The following CACNA1C variants were observed in gnomAD, a reference collection of about 807,000 sequenced individuals.
CACNA1C encodes the protein voltage-dependent L-type calcium channel subunit alpha-1C.
CACNA1C carries 30 observed loss-of-function variants against 229.0 expected under a neutral mutation model. The observed-to-expected ratio is 0.13, with a 90% CI of 0.10 to 0.18. CACNA1C has a LOEUF of 0.18. Ranked by LOEUF, CACNA1C falls within the 10% of genes least tolerant of loss-of-function variation. The probability of loss-of-function intolerance (pLI) is 1.00; values close to 1 mark genes in which losing one functional copy is unlikely to be tolerated. For missense variants in CACNA1C, 1,658 were observed against 2,845.0 expected, an observed-to-expected ratio of 0.58 and a Z score of 9.49; for synonymous variants, 1,114 against 1,132.5, an observed-to-expected ratio of 0.98 and a Z score of 0.33.
At chr12:2,334,859 T>G (rs899111420) in intron 3 of CACNA1C, among the ~76,000 whole-genome samples, 3 of 152,174 alleles carry the variant, frequency 2.0e-5, no homozygotes, top group Admixed American at 6.5e-5. Context: ...TAGATAGAAA[T>G]GTCATGGTTT....
chr12:2,364,247 G>A (rs1373210924), intron 3 of CACNA1C, among the ~76,000 whole-genome samples: 1 of 152,194 alleles, frequency 6.6e-6, no homozygotes, highest in Admixed American at 6.5e-5. Context: ...TAAGGACAAA[G>A]GAAATAAATT....
At chr12:2,074,112 AC>A (rs2062315110) in intron 1 of CACNA1C, among the ~76,000 whole-genome samples, 1 of 151,334 alleles carries the variant, frequency 6.6e-6, no homozygotes, top group African/African-American at 2.4e-5. Context: ...TCAAACAAAT[AC>A]CCAATTCAGT....
intron 9 of CACNA1C, among the ~76,000 whole-genome samples, chr12:2,548,672 G>A (rs942608562): frequency 6.6e-6 from 1 of 152,158 alleles, no homozygotes; most frequent in African/African-American, 2.4e-5. Flanking sequence ...CTTTCTGTTT[G>A]TATCTTCCAT....
At position 2,677,902 on chromosome 12, in the gene CACNA1C, A is replaced by G. The variant is rs746501346; in HGVS notation, c.5091+35A>G. The G allele has an allele frequency of 3.7e-6, 6 of 1,610,628 alleles. No individual in the cohort carries two copies. In the Admixed American group the frequency reaches 5.0e-5, roughly 13 times the overall value. ...GCCATGGCGCACTCTCGACCCCTAT[A>G]AAGTTCAGTTTGGAGCAAGAGGTTG... On this transcript the variant is annotated intron_variant, in intron 41 of 46. Coordinates refer to ENST00000399655, the MANE Select transcript of CACNA1C (RefSeq NM_000719.7). This position sits in a 1 kb window ranked among gnomAD's most constrained non-coding sequence, Gnocchi z 7.4.
intron 3 of CACNA1C, among the ~76,000 whole-genome samples, chr12:2,308,840 G>A (rs2095254365): frequency 5.9e-5 from 9 of 152,198 alleles, no homozygotes; most frequent in Admixed American, 5.9e-4. Flanking sequence ...GCAATGACAA[G>A]TATTGATGAG....
chr12:1,976,158 CAA>C (rs1378526197), intron 1 of CACNA1C, among the ~76,000 whole-genome samples: 2 of 152,160 alleles, frequency 1.3e-5, no homozygotes, highest in Non-Finnish European at 2.9e-5. Context: ...TGACAGAGAA[CAA>C]AAAAGTCATT....
intron 3 of CACNA1C, 112 bp from the exon 4 acceptor site, chr12:2,448,864 A>G (rs958375654): frequency 2.3e-6 from 2 of 880,514 alleles, no homozygotes; most frequent in Non-Finnish European, 3.4e-6. Context: ...TGGTTCCACC[A>G]CAGAGGGGGC....
In CACNA1C at chr12:2,053,522, C is replaced by T; in HGVS notation, c.-41C>T. ...CCGGGGGGTGTTTTCACATTTCTTC[C>T]TCTTCGTGGCTGCTCCTCCTATTAA... is the stretch of plus-strand genomic sequence containing the variant. On this transcript the variant is annotated 5_prime_UTR_variant, in exon 1 of 47. Transcript: ENST00000399655. This position sits in a 1 kb window ranked among gnomAD's most constrained non-coding sequence, Gnocchi z 5.8. The T allele has an allele frequency of 6.4e-7, 1 of 1,562,600 alleles. No homozygotes were observed. Among genetic ancestry groups the T allele is most frequent in the Non-Finnish European group, 8.7e-7 (1 of 1,153,182 alleles).
chr12:2,197,787 T>C (rs1320261545), intron 3 of CACNA1C, among the ~76,000 whole-genome samples: 1 of 152,188 alleles, frequency 6.6e-6, no homozygotes, highest in African/African-American at 2.4e-5. Flanking sequence ...AAATTAATTT[T>C]ACTAATTTCA....
chr12:1,970,994 A>C, exon 1 of CACNA1C: 7 of 1,027,092 alleles, frequency 6.8e-6, no homozygotes, highest in Non-Finnish European at 8.9e-6. Context: ...AAAAATTATA[A>C]GAGATCATGA....
At chr12:2,135,862 T>C (rs994272458) in intron 3 of CACNA1C, among the ~76,000 whole-genome samples, 1 of 147,746 alleles carries the variant, frequency 6.8e-6, no homozygotes, top group Non-Finnish European at 1.5e-5. Flanking sequence ...GCTGCTTTGT[T>C]TACCTAATCA....
At chr12:2,060,426 C>G (rs1414974445) in intron 1 of CACNA1C, among the ~76,000 whole-genome samples, 1 of 152,218 alleles carries the variant, frequency 6.6e-6, no homozygotes, top group Non-Finnish European at 1.5e-5. Flanking sequence ...CGGCCTACTC[C>G]CAGGAGACAT....
chr12:2,688,253 G>A (rs1301013187), intron 45 of CACNA1C, among the ~76,000 whole-genome samples, 194 bp from the exon 46 acceptor site: 1 of 152,230 alleles, frequency 6.6e-6, no homozygotes, highest in Admixed American at 6.5e-5. Flanking sequence ...ATGATCCTAA[G>A]ATGTATTTTG....
chr12:1,980,327 A>AG (rs1342818760), intron 1 of CACNA1C, among the ~76,000 whole-genome samples: 1 of 152,240 alleles, frequency 6.6e-6, no homozygotes, highest in African/African-American at 2.4e-5. Flanking sequence ...AAAGTACCTG[A>AG]GGAATCATGT....
intron 1 of CACNA1C, among the ~76,000 whole-genome samples, chr12:1,996,294 TC>T (rs2040773634): frequency 6.6e-6 from 1 of 152,052 alleles, no homozygotes; most frequent in Non-Finnish European, 1.5e-5. Context: ...AATCTCAAAA[TC>T]CAGAGTCTGC....
chr12:2,271,760 G>A lies in CACNA1C; in HGVS notation c.477+151330G>A, dbSNP rs990149719. On this transcript the variant is annotated intron_variant, in intron 3 of 46. Coordinates refer to ENST00000399655, the MANE Select transcript of CACNA1C (RefSeq NM_000719.7). ...CAAAAAAAAAAATTAGCAGAGCATG[G>A]TGGTGCATGCCTGTAGTCCCAGCTA... Among the ~76,000 whole-genome samples the A allele has an allele frequency of 2.0e-5, 3 of 151,990 alleles. 1 individual carries two copies. The highest frequency in any genetic ancestry group is 1.5e-5 in the Non-Finnish European group (1 of 67,976).
intron 3 of CACNA1C, chr12:2,288,835 G>A (rs1228632826): frequency 1.3e-5 from 2 of 152,236 alleles, no homozygotes; most frequent in East Asian, 3.8e-4. Context: ...CACCCAAAAG[G>A]TAGCACTAAT....
intron 3 of CACNA1C, among the ~76,000 whole-genome samples, chr12:2,360,523 A>G (rs1421482913): frequency 6.6e-6 from 1 of 152,210 alleles, no homozygotes; most frequent in Non-Finnish European, 1.5e-5. Flanking sequence ...ACCAGCAGTC[A>G]CTGAAGTCTT....
chr12:2,002,512 C>T (rs139506931), intron 1 of CACNA1C, among the ~76,000 whole-genome samples: 79 of 152,316 alleles, frequency 5.2e-4, no homozygotes, highest in African/African-American at 1.8e-3. Flanking sequence ...TGTGACACAT[C>T]TGCTTTTTGA....
Sources: gnomAD v4.1 joint callset for allele counts (sites outside exome capture counted in the v4.1 genomes callset) on GRCh38, gnomAD v4.1.1 for gene constraint, Gnocchi (gnomAD v3.1) non-coding constraint, MANE v1.5 for transcripts, NCBI Gene and HGNC (gene_info 2026-07-23, HGNC 2026-07-21) for gene names.